HPSE2: variants seen among roughly 807,000 people sequenced by gnomAD.
HPSE2 encodes inactive heparanase-2.
HPSE2 carries 38 observed loss-of-function variants against 60.5 expected under a neutral mutation model. The ratio of observed to expected loss-of-function variants is 0.63; its 90% CI spans 0.48 to 0.82. HPSE2 has a LOEUF of 0.82. HPSE2 is among the 40% of genes least tolerant of loss of function. HPSE2 has a pLI of 0.00. For synonymous variants in HPSE2, 295 were observed against 293.2 expected (o/e 1.01, Z -0.06); for missense variants, 713 against 740.4 (o/e 0.96, Z 0.43).
chr10:99,137,179 T>A (rs1845690711), intron 3 of HPSE2, among the ~76,000 whole-genome samples: 1 of 152,144 alleles, frequency 6.6e-6, no homozygotes, highest in Non-Finnish European at 1.5e-5. Context: ...GAGTCCAACT[T>A]ACAAGGGATG....
chr10:99,129,153 A>G (rs1005864032), intron 3 of HPSE2, among the ~76,000 whole-genome samples: 8 of 152,142 alleles, frequency 5.3e-5, no homozygotes, highest in Non-Finnish European at 1.2e-4. Flanking sequence ...TTTATAAAAC[A>G]ATGAAATGAG....
At chr10:98,624,792 A>G (rs1472818594) in intron 7 of HPSE2, among the ~76,000 whole-genome samples, 1 of 152,232 alleles carries the variant, frequency 6.6e-6, no homozygotes, top group Non-Finnish European at 1.5e-5. Context: ...CAAAGGCCAA[A>G]GACACATACA....
At chr10:98,985,078 T>G (rs959925373) in intron 3 of HPSE2, among the ~76,000 whole-genome samples, 19 of 152,240 alleles carry the variant, frequency 1.2e-4, no homozygotes, top group African/African-American at 3.9e-4. Context: ...CAGGATATTA[T>G]CCAGGAGAAT....
chr10:98,844,561 AAGTT>A, intron 3 of HPSE2, among the ~76,000 whole-genome samples: 1 of 152,192 alleles, frequency 6.6e-6, no homozygotes, highest in East Asian at 1.9e-4. Flanking sequence ...TTGAAATTAA[AAGTT>A]AGTGCCATGG....
intron 7 of HPSE2, among the ~76,000 whole-genome samples, chr10:98,624,374 G>A (rs1042268398): frequency 2.0e-5 from 3 of 152,174 alleles, no homozygotes; most frequent in South Asian, 2.1e-4. Context: ...TAGAAGAACC[G>A]CACAGAAAAA....
At chr10:98,481,673 A>G (rs1182181960) in intron 11 of HPSE2, among the ~76,000 whole-genome samples, 1 of 152,248 alleles carries the variant, frequency 6.6e-6, no homozygotes, top group Non-Finnish European at 1.5e-5. Context: ...TGCAAATACA[A>G]TTGGAAGCCA....
chr10:98,963,812 T>A (rs1955744073), intron 3 of HPSE2, among the ~76,000 whole-genome samples: 1 of 152,062 alleles, frequency 6.6e-6, no homozygotes, highest in African/African-American at 2.4e-5. Flanking sequence ...GAATCATGAC[T>A]AATGGAATCA....
intron 2 of HPSE2, among the ~76,000 whole-genome samples, chr10:99,213,466 T>C (rs974944295): frequency 2.6e-5 from 4 of 152,128 alleles, no homozygotes; most frequent in African/African-American, 9.7e-5. Context: ...TCATATTTCA[T>C]TGAGCATTTG....
At chr10:98,571,432 G>A (rs921162434) in intron 9 of HPSE2, among the ~76,000 whole-genome samples, 2 of 152,134 alleles carry the variant, frequency 1.3e-5, no homozygotes, top group Non-Finnish European at 2.9e-5. Flanking sequence ...AGACCAATGT[G>A]TAATGAATGA....
the HPSE2 span, among the ~76,000 whole-genome samples, chr10:99,295,537 G>GT: frequency 3.3e-5 from 5 of 151,788 alleles, no homozygotes; most frequent in African/African-American, 9.7e-5. Context: ...AATTAAAGAT[G>GT]TTTTTTTCTT....
chr10:98,656,000 T>C (rs1482723339), intron 6 of HPSE2, among the ~76,000 whole-genome samples: 1 of 152,176 alleles, frequency 6.6e-6, no homozygotes, highest in Non-Finnish European at 1.5e-5. Context: ...GTCCAACAGA[T>C]GTGAACAGGA....
In HPSE2 at chr10:98,789,253, C is replaced by T. The variant is rs541555674; in HGVS notation, c.611-45197G>A. Reference sequence around the variant, plus strand: ...TCAGACCTTAAGTGGAGAAGTACTACGGGGAACTGTGAATGCTAGTATGAG... The same window carrying T: ...TCAGACCTTAAGTGGAGAAGTACTATGGGGAACTGTGAATGCTAGTATGAG... On this transcript the variant is annotated intron_variant, in intron 3 of 11. Transcript: ENST00000370552. Among the ~76,000 whole-genome samples the T allele has an allele frequency of 6.6e-5, 10 of 152,242 alleles. No individual in the cohort carries two copies. In the South Asian group the frequency reaches 1.7e-3, roughly 25 times the overall value.
intron 3 of HPSE2, among the ~76,000 whole-genome samples, chr10:98,818,623 C>A (rs183803104): frequency 1.3e-5 from 2 of 152,090 alleles, no homozygotes; most frequent in African/African-American, 4.8e-5. Flanking sequence ...GAAAGTCCAA[C>A]GAGGAGCCAA....
chr10:98,481,137 T>TA (rs1167307646), intron 11 of HPSE2, among the ~76,000 whole-genome samples: 1 of 152,162 alleles, frequency 6.6e-6, no homozygotes, highest in African/African-American at 2.4e-5. Flanking sequence ...CAGAGGACCC[T>TA]AACCAGAGGA....
At chr10:98,834,863 TC>T in intron 3 of HPSE2, among the ~76,000 whole-genome samples, 1 of 152,140 alleles carries the variant, frequency 6.6e-6, no homozygotes. Flanking sequence ...ATGTCATTCT[TC>T]TCACCAGGCT....
chr10:99,057,789 A>C (rs1024628057), intron 3 of HPSE2, among the ~76,000 whole-genome samples: 1 of 152,194 alleles, frequency 6.6e-6, no homozygotes, highest in Non-Finnish European at 1.5e-5. Flanking sequence ...GCAAAAATAC[A>C]CGCATGAATT....
intron 3 of HPSE2, among the ~76,000 whole-genome samples, chr10:98,777,055 GT>G (rs1950356212): frequency 6.6e-6 from 1 of 152,090 alleles, no homozygotes; most frequent in Non-Finnish European, 1.5e-5. Context: ...AAAATAAAAA[GT>G]TAAGAAGAAA....
chr10:98,855,765 T>C (rs1952299367), intron 3 of HPSE2, among the ~76,000 whole-genome samples: 1 of 152,110 alleles, frequency 6.6e-6, no homozygotes, highest in African/African-American at 2.4e-5. Context: ...CCCTGTCCCT[T>C]GCCTTTCCCA....
At chr10:98,562,249 A>C (rs1362142909) in intron 9 of HPSE2, among the ~76,000 whole-genome samples, 1 of 152,190 alleles carries the variant, frequency 6.6e-6, no homozygotes, top group Non-Finnish European at 1.5e-5. Context: ...TATCCCTTAT[A>C]GGTTTGCATA....
Sources: gnomAD v4.1 joint callset for allele counts (sites outside exome capture counted in the v4.1 genomes callset) on GRCh38, gnomAD v4.1.1 for gene constraint, MANE v1.5 for transcripts, NCBI Gene and HGNC (gene_info 2026-07-23, HGNC 2026-07-21) for gene names.